DNAI4: variants seen among roughly 807,000 people sequenced by gnomAD.
DNAI4 encodes the protein dynein axonemal intermediate chain 4, also known as WD repeat domain 78.
A neutral mutation model predicts 105.8 loss-of-function variants in DNAI4; 85 were observed. The ratio of observed to expected loss-of-function variants is 0.80; its 90% CI spans 0.67 to 0.96. The LOEUF (loss-of-function observed/expected upper bound fraction) is 0.96. Among genes scored for constraint, DNAI4 ranks in the 40% least tolerant of loss-of-function variants. The pLI is 0.00. For synonymous variants in DNAI4, 352 were observed against 331.5 expected (o/e 1.06, Z -0.67); for missense variants, 1,014 against 1,005.6 (o/e 1.01, Z -0.11).
At chr1:66,889,683 T>C (rs1411537968) in intron 4 of DNAI4, among the ~76,000 whole-genome samples, 4 of 152,160 alleles carry the variant, frequency 2.6e-5, no homozygotes, top group African/African-American at 9.7e-5. Context: ...AAAATCCTTA[T>C]TGCACTCCAA....
At position 66,924,650 on chromosome 1, in the gene DNAI4, G is replaced by A. The variant is rs780717604; in HGVS notation, c.170+12C>T. 24 of 1,614,080 alleles carry A rather than the reference G, an allele frequency of 1.5e-5. No individual in the cohort carries two copies. The East Asian group carries it at 4.9e-4, about 33-fold the overall frequency. ...AGGGGGATGGACTACGGTTTTTAGC[G>A]CCGGAACTTACAACCCGAAGTTCTG... On this transcript the variant is annotated intron_variant, in intron 1 of 16. Transcript: ENST00000371026.
chr1:66,839,706 T>C (rs1289160849), intron 9 of DNAI4, among the ~76,000 whole-genome samples: 1 of 152,220 alleles, frequency 6.6e-6, no homozygotes, highest in Non-Finnish European at 1.5e-5. Flanking sequence ...ATCTCTTTTT[T>C]ACAACCAAAC....
intron 16 of DNAI4, among the ~76,000 whole-genome samples, chr1:66,817,172 G>T (rs112823573): frequency 2.0e-5 from 3 of 151,930 alleles, no homozygotes; most frequent in African/African-American, 7.3e-5. Flanking sequence ...TCATCATTTG[G>T]GTTGTTTTCA....
intron 1 of DNAI4, among the ~76,000 whole-genome samples, chr1:66,909,879 T>A (rs1649530300): frequency 1.3e-5 from 2 of 152,102 alleles, no homozygotes; most frequent in South Asian, 4.1e-4. Context: ...TGAAAAAAAA[T>A]TTCAAAATAC....
chr1:66,867,726 A>C (rs1309993893), intron 6 of DNAI4, among the ~76,000 whole-genome samples: 1 of 152,194 alleles, frequency 6.6e-6, no homozygotes, highest in Non-Finnish European at 1.5e-5. Flanking sequence ...GAGGTAGCTA[A>C]GTAGACACTA....
At chr1:66,877,580 T>C (rs1646983476) in intron 4 of DNAI4, among the ~76,000 whole-genome samples, 1 of 152,184 alleles carries the variant, frequency 6.6e-6, no homozygotes, top group Non-Finnish European at 1.5e-5. Context: ...TAATATTACT[T>C]TGGTACATTT....
intron 16 of DNAI4, among the ~76,000 whole-genome samples, chr1:66,818,939 T>A (rs1645571975): frequency 6.6e-6 from 1 of 152,006 alleles, no homozygotes; most frequent in African/African-American, 2.4e-5. Context: ...AAATAAATTG[T>A]TAAAAACACC....
intron 4 of DNAI4, among the ~76,000 whole-genome samples, chr1:66,886,239 T>C (rs1036973933): frequency 6.6e-6 from 1 of 152,224 alleles, no homozygotes; most frequent in Non-Finnish European, 1.5e-5. Flanking sequence ...CCTTGCACAT[T>C]GTATACTTTC....
intron 1 of DNAI4, among the ~76,000 whole-genome samples, chr1:66,922,240 T>C (rs553906830): frequency 4.7e-4 from 71 of 152,196 alleles, no homozygotes; most frequent in African/African-American, 1.7e-3. Flanking sequence ...ATAAATTTTA[T>C]GGAAAAATTC....
intron 4 of DNAI4, among the ~76,000 whole-genome samples, chr1:66,879,892 T>C (rs1647031731): frequency 6.6e-6 from 1 of 151,620 alleles, no homozygotes; most frequent in Non-Finnish European, 1.5e-5. Flanking sequence ...TTTGGCTGTG[T>C]CCCCACCCAA....
At position 66,833,437 on chromosome 1, in the gene DNAI4, C is replaced by G. The variant is rs528028623; in HGVS notation, c.2013+148G>C. 110 of 913,460 alleles carry G rather than the reference C, an allele frequency of 1.2e-4. 1 individual carries two copies. In the African/African-American group the frequency reaches 1.8e-3, roughly 15 times the overall value. The allele number at this position is 913,460 out of a possible 1,614,324, so 56.6% of individuals were successfully genotyped here. On this transcript the variant is annotated intron_variant, in intron 13 of 16. Coordinates refer to ENST00000371026, the MANE Select transcript of DNAI4 (RefSeq NM_024763.5). ...ATTCTTCCACCTGCATCCCCTAGCC[C>G]AGGCAATCATTTATCTACTTTCTGT...
intron 6 of DNAI4, among the ~76,000 whole-genome samples, chr1:66,864,114 T>C (rs1471641307): frequency 1.3e-5 from 2 of 152,224 alleles, no homozygotes; most frequent in African/African-American, 4.8e-5. Flanking sequence ...AAATTACTGC[T>C]CATTTTAGTT....
chr1:66,836,260 GAAAGAAAGAAAGAAAGAAAGAAAGAA>G (rs1646010576), intron 10 of DNAI4, among the ~76,000 whole-genome samples: 2 of 16,324 alleles, frequency 1.2e-4, no homozygotes, highest in Non-Finnish European at 2.3e-4. Flanking sequence ...GAGAGAGAAA[GAAAGAAAGAAAGAAAGAAAGAAAGAA>G]AGAAAGAAAG....
chr1:66,862,663 T>A (rs879844928), intron 6 of DNAI4, among the ~76,000 whole-genome samples: 5 of 152,212 alleles, frequency 3.3e-5, no homozygotes, highest in Non-Finnish European at 2.9e-5. Flanking sequence ...AAGAAATACA[T>A]CATGAGGATA....
chr1:66,896,476 G>T (rs745588774), intron 2 of DNAI4, among the ~76,000 whole-genome samples: 1 of 152,130 alleles, frequency 6.6e-6, no homozygotes, highest in Non-Finnish European at 1.5e-5. Flanking sequence ...TGGTTTAAGT[G>T]TGTGCACCAA....
intron 1 of DNAI4, among the ~76,000 whole-genome samples, chr1:66,919,554 G>C (rs1013949984): frequency 1.3e-5 from 2 of 152,148 alleles, no homozygotes; most frequent in African/African-American, 4.8e-5. Context: ...GGATCCCATG[G>C]GGGGCCCCTA....
rs762924101 is a variant in DNAI4 at position 66,826,545 on chromosome 1, G to A, written c.2339+275C>T. Among the ~76,000 whole-genome samples, 8 of 152,032 alleles carry A rather than the reference G, an allele frequency of 5.3e-5. No individual in the cohort carries two copies. The South Asian group carries it at 8.3e-4, about 16-fold the overall frequency. On this transcript the variant is annotated intron_variant, in intron 15 of 16. Transcript: ENST00000371026. ...ACTCTTGACCTCAAGTGATCCTCCCGCCTCAGCCTCCCAAAGTACCAGGAT... is the reference window on the plus strand; with the variant it reads ...ACTCTTGACCTCAAGTGATCCTCCCACCTCAGCCTCCCAAAGTACCAGGAT...
At chr1:66,841,887 T>C (rs1646156810) in intron 8 of DNAI4, among the ~76,000 whole-genome samples, 2 of 152,224 alleles carry the variant, frequency 1.3e-5, no homozygotes, top group Admixed American at 1.3e-4. Flanking sequence ...TTGTATATTC[T>C]ATAAGCTTTG....
intron 6 of DNAI4, among the ~76,000 whole-genome samples, chr1:66,868,032 C>G (rs1233058334): frequency 1.3e-5 from 2 of 152,150 alleles, no homozygotes; most frequent in Non-Finnish European, 2.9e-5. Context: ...GCATCAACTG[C>G]TCTTTTTGGC....
Sources: gnomAD v4.1 joint callset for allele counts (sites outside exome capture counted in the v4.1 genomes callset) on GRCh38, gnomAD v4.1.1 for gene constraint, MANE v1.5 for transcripts, NCBI Gene and HGNC (gene_info 2026-07-23, HGNC 2026-07-21) for gene names.